The following BCKDHB variants were observed in gnomAD, a reference collection of about 807,000 sequenced individuals.
The protein encoded by BCKDHB is branched chain keto acid dehydrogenase E1 subunit beta, also known as 2-oxoisovalerate dehydrogenase subunit beta, mitochondrial.
BCKDHB carries 41 observed loss-of-function variants against 48.5 expected under a neutral mutation model. That is an observed-to-expected ratio of 0.85 (90% CI 0.66 to 1.10). The LOEUF is 1.10. BCKDHB is among the 50% of genes least tolerant of loss of function. BCKDHB has a pLI of 0.00. For synonymous variants in BCKDHB, 201 were observed against 174.8 expected, an observed-to-expected ratio of 1.15 and a Z score of -1.18; for missense variants, 496 against 494.2, an observed-to-expected ratio of 1.00 and a Z score of -0.03.
chr6:80,147,005 C>T (rs570777175), intron 3 of BCKDHB, among the ~76,000 whole-genome samples: 2 of 152,228 alleles, frequency 1.3e-5, no homozygotes, highest in South Asian at 4.1e-4. Context: ...TACATACACA[C>T]ATACTTGCTA....
chr6:80,401,426 A>G, the BCKDHB span, among the ~76,000 whole-genome samples: 1 of 151,708 alleles, frequency 6.6e-6, no homozygotes, highest in Admixed American at 6.6e-5. Context: ...CATTTAACAT[A>G]AGATATACCC....
At chr6:80,238,821 A>C (rs917489365) in intron 8 of BCKDHB, among the ~76,000 whole-genome samples, 11 of 151,926 alleles carry the variant, frequency 7.2e-5, no homozygotes, top group South Asian at 2.1e-4. Flanking sequence ...TCATTGTTCA[A>C]TTCCCACCTA....
At chr6:80,433,712 A>G in the BCKDHB span, among the ~76,000 whole-genome samples, 4 of 137,604 alleles carry the variant, frequency 2.9e-5, no homozygotes, top group South Asian at 2.1e-4. Context: ...TGGTGTATGG[A>G]AAAAAAAAAG....
At chr6:80,196,443 C>A (rs1030534894) in intron 6 of BCKDHB, among the ~76,000 whole-genome samples, 14 of 152,092 alleles carry the variant, frequency 9.2e-5, no homozygotes, top group African/African-American at 3.1e-4. Context: ...ATTCCCAGAG[C>A]AATTTGTTCC....
At chr6:80,323,307 T>C (rs1184267439) in intron 9 of BCKDHB, among the ~76,000 whole-genome samples, 2 of 152,260 alleles carry the variant, frequency 1.3e-5, no homozygotes, top group Non-Finnish European at 2.9e-5. Flanking sequence ...TTTTGAAGTA[T>C]TGTGTTGTTT....
chr6:80,454,675 T>A, the BCKDHB span, among the ~76,000 whole-genome samples: 2 of 152,162 alleles, frequency 1.3e-5, no homozygotes, highest in Admixed American at 6.5e-5. Flanking sequence ...TAACTATCTT[T>A]CCAGATGGGT....
intron 8 of BCKDHB, among the ~76,000 whole-genome samples, chr6:80,220,363 TTCAAGTTATG>T (rs1775375200): frequency 6.7e-6 from 1 of 149,372 alleles, no homozygotes; most frequent in Non-Finnish European, 1.5e-5. Flanking sequence ...ATACATTTTT[TTCAAGTTATG>T]TTCTATAGAT....
intron 9 of BCKDHB, among the ~76,000 whole-genome samples, chr6:80,293,726 C>T (rs975698733): frequency 6.6e-6 from 1 of 152,088 alleles, no homozygotes; most frequent in African/African-American, 2.4e-5. Context: ...GCTCTGTTTC[C>T]CTTTTAAAAC....
At chr6:80,340,692 A>G (rs1160359695) in intron 9 of BCKDHB, among the ~76,000 whole-genome samples, 2 of 152,208 alleles carry the variant, frequency 1.3e-5, no homozygotes, top group Non-Finnish European at 2.9e-5. Flanking sequence ...TGCTATGGTT[A>G]TGGCGTCATG....
the BCKDHB span, among the ~76,000 whole-genome samples, chr6:80,367,097 G>A: frequency 6.6e-6 from 1 of 152,044 alleles, no homozygotes; most frequent in Non-Finnish European, 1.5e-5. Context: ...CTCAGGCTTG[G>A]CTCCATAATT....
intron 3 of BCKDHB, among the ~76,000 whole-genome samples, chr6:80,152,897 G>T (rs1367108666): frequency 6.6e-6 from 1 of 152,124 alleles, no homozygotes. Context: ...CCCTTGAGGG[G>T]GCTAGTGTAG....
chr6:80,396,294 G>A, the BCKDHB span, among the ~76,000 whole-genome samples: 251 of 152,282 alleles, frequency 1.6e-3, 1 homozygote, highest in African/African-American at 5.7e-3. Context: ...CACAGGGCTG[G>A]CCACTTTCTC....
At chr6:80,357,020 T>C in the BCKDHB span, among the ~76,000 whole-genome samples, 13 of 135,804 alleles carry the variant, frequency 9.6e-5, no homozygotes, top group African/African-American at 3.6e-4. Context: ...TACAATAATA[T>C]ACTAGTGCCC....
intron 8 of BCKDHB, among the ~76,000 whole-genome samples, chr6:80,232,779 T>C (rs1044239076): frequency 6.6e-6 from 1 of 150,892 alleles, no homozygotes; most frequent in African/African-American, 2.4e-5. Flanking sequence ...CATCTATATC[T>C]GTGTTATATA....
At chr6:80,429,888 C>T in the BCKDHB span, among the ~76,000 whole-genome samples, 1 of 152,226 alleles carries the variant, frequency 6.6e-6, no homozygotes, top group Admixed American at 6.5e-5. Context: ...CTGGCCAGAA[C>T]TTCCAGTACT....
chr6:80,169,878 T>C (rs201894107), intron 5 of BCKDHB: 1,136 of 1,598,646 alleles, frequency 7.1e-4, no homozygotes, highest in Non-Finnish European at 8.4e-4. Context: ...CTAGAAGTTG[T>C]AGACTGGGAA....
At chr6:80,244,469 AT>A (rs1776523643) in intron 8 of BCKDHB, among the ~76,000 whole-genome samples, 1 of 152,258 alleles carries the variant, frequency 6.6e-6, no homozygotes, top group Non-Finnish European at 1.5e-5. Context: ...TAAGAAAAAA[AT>A]AACACAGTTA....
intron 6 of BCKDHB, among the ~76,000 whole-genome samples, chr6:80,176,048 C>T (rs146003628): frequency 1.1e-4 from 16 of 152,196 alleles, no homozygotes; most frequent in African/African-American, 1.9e-4. Context: ...GCTAGGAGAC[C>T]GGGTAGGCGG....
the BCKDHB span, among the ~76,000 whole-genome samples, chr6:80,399,805 G>T: frequency 6.6e-6 from 1 of 151,952 alleles, no homozygotes; most frequent in Non-Finnish European, 1.5e-5. Context: ...CTAGCAAAAA[G>T]AACAAAGCTG....
Sources: allele counts gnomAD v4.1 joint callset (sites outside exome capture counted in the v4.1 genomes callset), GRCh38; gene constraint gnomAD v4.1.1; transcripts MANE v1.5; gene names NCBI Gene and HGNC (gene_info 2026-07-23, HGNC 2026-07-21).